TBL1X: variants seen among roughly 807,000 people sequenced by gnomAD.
The protein encoded by TBL1X is transducin beta like 1 X-linked.
TBL1X carries 10 observed loss-of-function variants against 50.7 expected under a neutral mutation model. The observed-to-expected ratio is 0.20, with a 90% CI of 0.12 to 0.33. The LOEUF is 0.33. Ranked by LOEUF, TBL1X falls within the 10% of genes least tolerant of loss-of-function variation. TBL1X has a pLI of 1.00. For missense variants in TBL1X, 340 were observed against 504.4 expected, an observed-to-expected ratio of 0.67 and a Z score of 3.12; for synonymous variants, 190 against 214.7, an observed-to-expected ratio of 0.88 and a Z score of 1.01.
intron 5 of TBL1X, among the ~76,000 whole-genome samples, chrX:9,680,566 T>A (rs1242044203): frequency 9.0e-6 from 1 of 111,187 alleles, no homozygotes; most frequent in Non-Finnish European, 1.9e-5. Context: ...GCTGACATTT[T>A]CTCCATCCAG....
intron 12 of TBL1X, 79 bp from the exon 13 acceptor site, chrX:9,704,914 G>T: frequency 8.4e-7 from 1 of 1,185,107 alleles, no homozygotes; most frequent in Non-Finnish European, 1.1e-6. Context: ...GAGGCTTCTT[G>T]ATTGTGCTGT....
intron 5 of TBL1X, among the ~76,000 whole-genome samples, chrX:9,663,330 G>T (rs975588549): frequency 8.9e-6 from 1 of 111,929 alleles, no homozygotes; most frequent in Non-Finnish European, 1.9e-5. Context: ...ATCAGTGGGC[G>T]TAGTTGAAGC....
chrX:9,694,376 A>C (rs1242371650), intron 11 of TBL1X, among the ~76,000 whole-genome samples: 1 of 111,930 alleles, frequency 8.9e-6, no homozygotes, highest in Non-Finnish European at 1.9e-5. Flanking sequence ...TTGAAAACTT[A>C]CTAGGTCTTG....
chrX:9,631,257 C>T (rs1055479533), intron 2 of TBL1X, among the ~76,000 whole-genome samples: 1 of 111,494 alleles, frequency 9.0e-6, no homozygotes, highest in African/African-American at 3.3e-5. Flanking sequence ...CAGCCTGGTA[C>T]CCAATAGTTA....
At chrX:9,617,982 A>G (rs2082647703) in intron 2 of TBL1X, among the ~76,000 whole-genome samples, 1 of 111,256 alleles carries the variant, frequency 9.0e-6, no homozygotes, top group Non-Finnish European at 1.9e-5. Context: ...CCCAGGACCC[A>G]GGAGATACCA....
At position 9,640,289 on chromosome X, in the gene TBL1X, G is replaced by A. The variant is rs1393391864; in HGVS notation, c.-114G>A. On this transcript the variant is annotated 5_prime_UTR_variant, in exon 3 of 18. Transcript: ENST00000645353. ...TCTCCCTAGGCTGGTCCCTGCAGAC[G>A]GCTTCCCATTTTTATGACCGGATGC... 2.7e-5 allele frequency: 3 copies of A among 112,006 alleles called. No homozygotes were observed. Among genetic ancestry groups the A allele is most frequent in the African/African-American group, 9.7e-5 (3 of 30,789 alleles). 9.2% of individuals were successfully genotyped at this position (112,006 alleles called of 1,213,427 possible).
chrX:9,649,420 C>T (rs1300116973), intron 3 of TBL1X, among the ~76,000 whole-genome samples: 1 of 111,950 alleles, frequency 8.9e-6, no homozygotes, highest in African/African-American at 3.2e-5. Context: ...TTTGTTTTCT[C>T]TTCTGCTTAG....
chrX:9,528,758 C>T (rs971569744), intron 2 of TBL1X, among the ~76,000 whole-genome samples: 2 of 107,390 alleles, frequency 1.9e-5, no homozygotes, highest in East Asian at 3.0e-4. Flanking sequence ...TGGACTGGGG[C>T]GGGGTCACAG....
At chrX:9,701,558 G>A (rs186200607) in intron 12 of TBL1X, among the ~76,000 whole-genome samples, 71 of 58,558 alleles carry the variant, frequency 1.2e-3, no homozygotes, top group African/African-American at 5.4e-3. Flanking sequence ...ACTAACAATA[G>A]CTTGATGAGC....
At chrX:9,708,892 G>A (rs1340160995) in intron 13 of TBL1X, among the ~76,000 whole-genome samples, 1 of 111,168 alleles carries the variant, frequency 9.0e-6, no homozygotes, top group African/African-American at 3.3e-5. Flanking sequence ...ATAGGAAAGT[G>A]ATTTTCAAAG....
At chrX:9,686,214 G>A (rs182613076) in intron 6 of TBL1X, among the ~76,000 whole-genome samples, 17 of 111,579 alleles carry the variant, frequency 1.5e-4, no homozygotes, top group African/African-American at 4.6e-4. Context: ...GTATCTAAGA[G>A]GACATGTCTC....
chrX:9,640,643 G>C (rs2082771010), intron 3 of TBL1X, among the ~76,000 whole-genome samples: 1 of 110,864 alleles, frequency 9.0e-6, no homozygotes, highest in Non-Finnish European at 1.9e-5. Flanking sequence ...TTGTTTGTTT[G>C]TTTTGAGACA....
chrX:9,603,802 G>C (rs775959073), intron 2 of TBL1X, among the ~76,000 whole-genome samples: 200 of 111,160 alleles, frequency 1.8e-3, no homozygotes, highest in African/African-American at 6.3e-3. Context: ...CTACCTCTGA[G>C]GCCTCCAGGG....
intron 7 of TBL1X, among the ~76,000 whole-genome samples, chrX:9,691,223 G>A (rs1691500261): frequency 9.0e-6 from 1 of 110,727 alleles, no homozygotes; most frequent in African/African-American, 3.3e-5. Context: ...ATCACTTGAG[G>A]CCAGGAGTTT....
At chrX:9,522,581 G>C (rs902255720) in intron 2 of TBL1X, among the ~76,000 whole-genome samples, 39 of 111,988 alleles carry the variant, frequency 3.5e-4, no homozygotes, top group Middle Eastern at 4.6e-3. Context: ...CCAGAACTTG[G>C]TGTGCTGGAT....
intron 2 of TBL1X, among the ~76,000 whole-genome samples, chrX:9,598,414 G>C (rs1324991308): frequency 3.6e-5 from 4 of 111,749 alleles, no homozygotes; most frequent in Non-Finnish European, 7.5e-5. Context: ...AAATGAAAAG[G>C]CCTGACCTCT....
intron 5 of TBL1X, among the ~76,000 whole-genome samples, chrX:9,681,997 G>C (rs2083028295): frequency 8.9e-6 from 1 of 112,978 alleles, no homozygotes; most frequent in African/African-American, 3.2e-5. Context: ...CTGTGGCCCA[G>C]AGTAGATAAG....
chrX:9,617,951 C>T (rs920979470), intron 2 of TBL1X, among the ~76,000 whole-genome samples: 2 of 110,937 alleles, frequency 1.8e-5, no homozygotes, highest in African/African-American at 3.3e-5. Context: ...GCCGTGTGCA[C>T]GGTGGGAGGT....
At chrX:9,475,936 G>A (rs2081846859) in intron 1 of TBL1X, among the ~76,000 whole-genome samples, 1 of 112,346 alleles carries the variant, frequency 8.9e-6, no homozygotes, top group Non-Finnish European at 1.9e-5. Context: ...CAGTGCATTA[G>A]AAAGCCTGCC....
Sources: allele counts gnomAD v4.1 joint callset (sites outside exome capture counted in the v4.1 genomes callset), GRCh38; gene constraint gnomAD v4.1.1; transcripts MANE v1.5; gene names NCBI Gene and HGNC (gene_info 2026-07-23, HGNC 2026-07-21).